The following DCDC1 variants were observed in gnomAD, a reference collection of about 807,000 sequenced individuals.
DCDC1 encodes doublecortin domain containing 1, also known as doublecortin domain-containing protein 1.
In DCDC1, 200 loss-of-function variants were observed where a neutral mutation model predicts 178.3. The observed-to-expected ratio is 1.12, with a 90% CI of 1.00 to 1.26. The LOEUF (loss-of-function observed/expected upper bound fraction) is 1.26, where lower values mean the gene tolerates loss of function less well. Among genes scored for constraint, DCDC1 ranks in the 50% most tolerant of loss-of-function variants. DCDC1 has a pLI of 0.00. For synonymous variants in DCDC1, 690 were observed against 604.8 expected (o/e 1.14, Z -2.07); for missense variants, 1,983 against 1,749.2 (o/e 1.13, Z -2.38).
At chr11:31,014,551 GA>G (rs1461620624) in intron 20 of DCDC1, among the ~76,000 whole-genome samples, 2 of 152,174 alleles carry the variant, frequency 1.3e-5, no homozygotes, top group African/African-American at 4.8e-5. Flanking sequence ...TCAGATCATA[GA>G]TGTTTCTTAT....
At chr11:31,118,959 A>G (rs1159840304) in intron 11 of DCDC1, among the ~76,000 whole-genome samples, 3 of 152,170 alleles carry the variant, frequency 2.0e-5, no homozygotes, top group African/African-American at 7.2e-5. Flanking sequence ...TTTACACCTG[A>G]CTGCAGATGC....
intron 9 of DCDC1, among the ~76,000 whole-genome samples, chr11:31,151,698 G>A (rs1185005104): frequency 2.6e-5 from 4 of 152,162 alleles, no homozygotes; most frequent in Admixed American, 2.6e-4. Context: ...TAAAGTACGT[G>A]AATGTTATGT....
chr11:31,195,394 A>C (rs1005743374), intron 9 of DCDC1, among the ~76,000 whole-genome samples: 5 of 152,108 alleles, frequency 3.3e-5, no homozygotes, highest in African/African-American at 1.2e-4. Context: ...TAGTGATTAA[A>C]GTTTTCTTCA....
At chr11:31,170,287 C>A (rs1326365059) in intron 9 of DCDC1, among the ~76,000 whole-genome samples, 1 of 152,072 alleles carries the variant, frequency 6.6e-6, no homozygotes, top group African/African-American at 2.4e-5. Context: ...CTTCTTGGGT[C>A]CAAGTCAGTA....
At chr11:31,048,375 T>G in intron 20 of DCDC1, among the ~76,000 whole-genome samples, 1 of 152,312 alleles carries the variant, frequency 6.6e-6, no homozygotes, top group East Asian at 1.9e-4. Flanking sequence ...TAAATCCTGA[T>G]ACGAAATTCA....
At chr11:31,312,400 G>T (rs933093300) in intron 3 of DCDC1, among the ~76,000 whole-genome samples, 2 of 152,140 alleles carry the variant, frequency 1.3e-5, no homozygotes, top group African/African-American at 2.4e-5. Context: ...TTGCTGTGAT[G>T]ATTAATTTTA....
At chr11:31,233,222 T>G (rs185750154) in intron 9 of DCDC1, among the ~76,000 whole-genome samples, 12 of 152,330 alleles carry the variant, frequency 7.9e-5, no homozygotes, top group African/African-American at 2.9e-4. Context: ...CAACCTCACT[T>G]TCATTCTATT....
chr11:30,987,292 C>T (rs1950707870), intron 20 of DCDC1, among the ~76,000 whole-genome samples: 1 of 152,162 alleles, frequency 6.6e-6, no homozygotes, highest in Non-Finnish European at 1.5e-5. Flanking sequence ...GCTGGGATTA[C>T]AGACGTGAGC....
intron 5 of DCDC1, 116 bp from the exon 6 acceptor site, chr11:31,305,893 T>C: frequency 8.3e-7 from 1 of 1,204,268 alleles, no homozygotes; most frequent in Non-Finnish European, 1.1e-6. Context: ...CACTTGCCAA[T>C]ACAGTTATTT....
In DCDC1 at chr11:30,863,939, C is replaced by G. The variant is rs1025821429; in HGVS notation, c.*1434G>C. 1 of 152,182 alleles carries G rather than the reference C, an allele frequency of 6.6e-6. No homozygotes were observed. The highest frequency in any genetic ancestry group is 1.5e-5 in the Non-Finnish European group (1 of 68,058). The allele number at this position is 152,182 out of a possible 1,614,324, so 9.4% of individuals were successfully genotyped here. On this transcript the variant is annotated 3_prime_UTR_variant, in exon 39 of 39. Coordinates refer to ENST00000684477, the MANE Select transcript of DCDC1 (RefSeq NM_001387274.1). ...GTCAGGAGTTTGAGACCAGCTTGAC[C>G]AACAAGGTGAAACCCCATCTCTACT...
chr11:31,211,730 G>A (rs556059707), intron 9 of DCDC1, among the ~76,000 whole-genome samples: 6 of 152,026 alleles, frequency 3.9e-5, no homozygotes, highest in Non-Finnish European at 7.4e-5. Context: ...TATAGTTTAC[G>A]TTCCATATAA....
intron 9 of DCDC1, among the ~76,000 whole-genome samples, chr11:31,170,839 A>T (rs2136220002): frequency 6.6e-6 from 1 of 151,822 alleles, no homozygotes; most frequent in Middle Eastern, 3.4e-3. Context: ...TTATTTATTT[A>T]TTTTTTTGAG....
intron 21 of DCDC1, among the ~76,000 whole-genome samples, chr11:30,949,013 T>C (rs1948240789): frequency 6.6e-6 from 1 of 152,128 alleles, no homozygotes; most frequent in African/African-American, 2.4e-5. Context: ...TGGGATCTAA[T>C]TAAACTAAAG....
At chr11:30,948,220 A>C (rs1164740961) in intron 21 of DCDC1, among the ~76,000 whole-genome samples, 2 of 152,170 alleles carry the variant, frequency 1.3e-5, no homozygotes, top group Non-Finnish European at 2.9e-5. Flanking sequence ...ATAGACAAGC[A>C]GAGAGCCAAA....
Position 31,127,648 on chromosome 11 carries a change from G to A in DCDC1, c.1315-9C>T, listed in dbSNP as rs1961832923. 2 of 701,122 alleles carry A rather than the reference G, an allele frequency of 2.9e-6. No homozygotes were observed. The highest frequency in any genetic ancestry group is 1.5e-5 in the South Asian group (1 of 67,320). 43.4% of individuals were successfully genotyped at this position (701,122 alleles called of 1,614,324 possible). A position where few individuals can be genotyped will look rare whatever the true frequency, so the allele number is the denominator to read the frequency against. On this transcript the variant is annotated splice_polypyrimidine_tract_variant and intron_variant, in intron 10 of 38. Coordinates refer to ENST00000684477, the MANE Select transcript of DCDC1 (RefSeq NM_001387274.1). ...TCAATCAGCCTGCTCACCTGAAGGG[G>A]TTAAATTACAAGAGTTGTTAGCGAG...
At position 31,094,551 on chromosome 11, in the gene DCDC1, G is replaced by A. The variant is rs550443533; in HGVS notation, c.1984-367C>T. Among the ~76,000 whole-genome samples the A allele has an allele frequency of 7.2e-4, 110 of 152,232 alleles. 1 individual carries two copies. Among genetic ancestry groups the A allele is most frequent in the Middle Eastern group, 3.4e-3 (1 of 294 alleles). The stretch of plus-strand genomic sequence containing the variant: ...AAAAAATGGTACGCTCATTTCTGCT[G>A]GAGTAACCTAAAGGTGGAGCATCTT... On this transcript the variant is annotated intron_variant, in intron 15 of 38. Transcript: ENST00000684477.
intron 9 of DCDC1, among the ~76,000 whole-genome samples, chr11:31,163,508 T>C (rs897336577): frequency 6.6e-6 from 1 of 152,188 alleles, no homozygotes; most frequent in Non-Finnish European, 1.5e-5. Flanking sequence ...ATAATGTATA[T>C]GGTTTAAATA....
chr11:31,280,814 A>G, intron 7 of DCDC1: 1 of 618,842 alleles, frequency 1.6e-6, no homozygotes, highest in East Asian at 3.9e-5. Flanking sequence ...TCCCCAGGTG[A>G]TGCCTTTGTT....
chr11:30,934,795 G>A (rs1225956335), intron 21 of DCDC1, among the ~76,000 whole-genome samples: 1 of 152,196 alleles, frequency 6.6e-6, no homozygotes, highest in African/African-American at 2.4e-5. Flanking sequence ...CTTGTTGAGG[G>A]CTTGTAGCAA....
Sources: allele counts gnomAD v4.1 joint callset (sites outside exome capture counted in the v4.1 genomes callset), GRCh38; gene constraint gnomAD v4.1.1; transcripts MANE v1.5; gene names NCBI Gene and HGNC (gene_info 2026-07-23, HGNC 2026-07-21).